Variants in NEGR1 observed in about 807,000 individuals in gnomAD.
The protein encoded by NEGR1 is neuronal growth regulator 1, also known as IgLON family member 4.
In NEGR1, 10 loss-of-function variants were observed where a neutral mutation model predicts 40.9. The ratio of observed to expected loss-of-function variants is 0.24; its 90% CI spans 0.15 to 0.42. The LOEUF (loss-of-function observed/expected upper bound fraction) is 0.42, where lower values mean the gene tolerates loss of function less well. NEGR1 is among the 10% of genes least tolerant of loss of function. The pLI, the probability that NEGR1 is intolerant of heterozygous loss-of-function variation, is 1.00. For missense variants in NEGR1, 352 were observed against 438.9 expected (o/e 0.80, Z 1.77); for synonymous variants, 185 against 166.8 (o/e 1.11, Z -0.84).
intron 4 of NEGR1, among the ~76,000 whole-genome samples, chr1:71,648,998 C>CGAG: frequency 6.6e-6 from 1 of 152,062 alleles, no homozygotes; most frequent in East Asian, 1.9e-4. Context: ...CTGATCTTCT[C>CGAG]AGTTGAAATT....
intron 1 of NEGR1, among the ~76,000 whole-genome samples, chr1:72,260,897 A>G (rs1480886195): frequency 1.3e-5 from 2 of 152,214 alleles, no homozygotes; most frequent in South Asian, 2.1e-4. Context: ...AATATAAACA[A>G]TTGTTGAAGA....
intron 4 of NEGR1, among the ~76,000 whole-genome samples, chr1:71,631,881 A>C (rs1216540450): frequency 1.3e-5 from 2 of 151,762 alleles, no homozygotes; most frequent in African/African-American, 4.8e-5. Context: ...ACGTTCATAC[A>C]GTATAGCAAT....
At chr1:71,724,062 A>C (rs1403247996) in intron 3 of NEGR1, among the ~76,000 whole-genome samples, 1 of 152,146 alleles carries the variant, frequency 6.6e-6, no homozygotes, top group African/African-American at 2.4e-5. Context: ...TATTTTAAAA[A>C]GAACTTATCT....
At chr1:72,032,776 T>C (rs1353894176) in intron 1 of NEGR1, among the ~76,000 whole-genome samples, 2 of 152,170 alleles carry the variant, frequency 1.3e-5, no homozygotes, top group Non-Finnish European at 2.9e-5. Context: ...CTGACCATAT[T>C]GATTAGAATC....
chr1:71,647,756 A>G (rs537131782), intron 4 of NEGR1, among the ~76,000 whole-genome samples: 11 of 152,152 alleles, frequency 7.2e-5, no homozygotes, highest in African/African-American at 2.6e-4. Flanking sequence ...GAAAGAAACC[A>G]GGAATTGAAC....
intron 4 of NEGR1, among the ~76,000 whole-genome samples, chr1:71,624,210 T>A (rs1372351330): frequency 6.6e-6 from 1 of 152,022 alleles, no homozygotes; most frequent in East Asian, 1.9e-4. Context: ...TCTTGAGAGA[T>A]GCTATAATCT....
chr1:72,198,870 A>G (rs373249334), intron 1 of NEGR1, among the ~76,000 whole-genome samples: 31 of 152,026 alleles, frequency 2.0e-4, no homozygotes, highest in Admixed American at 7.2e-4. Context: ...TAATTGACAA[A>G]TATCAATTGA....
At chr1:71,442,616 A>T (rs1234042376) in intron 6 of NEGR1, among the ~76,000 whole-genome samples, 1 of 152,162 alleles carries the variant, frequency 6.6e-6, no homozygotes, top group African/African-American at 2.4e-5. Context: ...TCCGTCTCAA[A>T]AAATAAATAA....
At chr1:71,736,699 A>G (rs1026155923) in intron 3 of NEGR1, among the ~76,000 whole-genome samples, 1 of 152,180 alleles carries the variant, frequency 6.6e-6, no homozygotes, top group African/African-American at 2.4e-5. Flanking sequence ...TTCCCAGGAT[A>G]TTACCTTGTG....
intron 6 of NEGR1, among the ~76,000 whole-genome samples, chr1:71,474,732 A>C (rs927398510): frequency 1.7e-4 from 24 of 144,794 alleles, no homozygotes; most frequent in South Asian, 6.3e-4. Flanking sequence ...AAAAAAAAAA[A>C]AAAAAACAAA....
intron 2 of NEGR1, among the ~76,000 whole-genome samples, chr1:71,842,467 A>G (rs572501630): frequency 6.6e-6 from 1 of 152,318 alleles, no homozygotes; most frequent in Admixed American, 6.5e-5. Flanking sequence ...CTAGGATCTT[A>G]ACGAAATAAG....
rs181212012 is a variant in NEGR1 at position 72,213,725 on chromosome 1, T to C, written c.176+68594A>G. Among the ~76,000 whole-genome samples, 278 of 152,108 alleles carry C rather than the reference T, an allele frequency of 1.8e-3. 1 individual carries two copies. Among genetic ancestry groups the C allele is most frequent in the Non-Finnish European group, 2.9e-3 (199 of 67,976 alleles). ...GTTCTGAAATTGAGGCTGTAATTAA[T>C]AGACTACCAACCAAAAAAAGCCCAA... On this transcript the variant is annotated intron_variant, in intron 1 of 6. Transcript: ENST00000357731.
chr1:71,958,330 C>T (rs1056200216), intron 1 of NEGR1, among the ~76,000 whole-genome samples: 1 of 152,250 alleles, frequency 6.6e-6, no homozygotes, highest in Admixed American at 6.5e-5. Context: ...ATATATTCAT[C>T]TGCATCAGTA....
intron 3 of NEGR1, among the ~76,000 whole-genome samples, chr1:71,755,183 G>T (rs189016612): frequency 3.5e-4 from 54 of 152,152 alleles, no homozygotes; most frequent in African/African-American, 1.3e-3. Flanking sequence ...CCACATTGAT[G>T]AAGCCAGAAA....
intron 6 of NEGR1, among the ~76,000 whole-genome samples, chr1:71,577,659 T>C (rs1352833585): frequency 6.6e-6 from 1 of 152,202 alleles, no homozygotes; most frequent in Non-Finnish European, 1.5e-5. Context: ...TATCCATCTA[T>C]GTGGTAATCA....
At chr1:71,933,128 T>C (rs1043830590) in intron 2 of NEGR1, among the ~76,000 whole-genome samples, 2 of 152,070 alleles carry the variant, frequency 1.3e-5, no homozygotes, top group African/African-American at 4.8e-5. Context: ...GAACATTCAA[T>C]AAGTACATTC....
At chr1:71,452,966 A>G (rs2101331340) in intron 6 of NEGR1, among the ~76,000 whole-genome samples, 1 of 152,310 alleles carries the variant, frequency 6.6e-6, no homozygotes, top group South Asian at 2.1e-4. Flanking sequence ...AATAATACAT[A>G]GGTCATGAAT....
intron 1 of NEGR1, among the ~76,000 whole-genome samples, chr1:72,006,552 A>T (rs61767475): frequency 2.0e-5 from 3 of 152,164 alleles, no homozygotes; most frequent in African/African-American, 7.2e-5. Flanking sequence ...AAGAGGTGCC[A>T]CACTACAGAT....
At chr1:72,267,836 A>C (rs1286038151) in intron 1 of NEGR1, among the ~76,000 whole-genome samples, 1 of 151,346 alleles carries the variant, frequency 6.6e-6, no homozygotes, top group Non-Finnish European at 1.5e-5. Context: ...AATGATGGTA[A>C]GAAGATTATG....
Sources: allele counts gnomAD v4.1 joint callset (sites outside exome capture counted in the v4.1 genomes callset), GRCh38; gene constraint gnomAD v4.1.1; transcripts MANE v1.5; gene names NCBI Gene and HGNC (gene_info 2026-07-23, HGNC 2026-07-21).